The following TRIP10 variants were observed in gnomAD, a reference collection of about 807,000 sequenced individuals.
TRIP10 encodes the protein cdc42-interacting protein 4.
A neutral mutation model predicts 80.9 loss-of-function variants in TRIP10; 54 were observed. The ratio of observed to expected loss-of-function variants is 0.67; its 90% confidence interval spans 0.54 to 0.84. The LOEUF (loss-of-function observed/expected upper bound fraction) is 0.84. Among genes scored for constraint, TRIP10 ranks in the 40% least tolerant of loss-of-function variants. The probability of loss-of-function intolerance (pLI) is 0.00; values close to 1 mark genes in which losing one functional copy is unlikely to be tolerated. For synonymous variants in TRIP10, 321 were observed against 307.2 expected (o/e 1.04, Z -0.47); for missense variants, 773 against 815.3 (o/e 0.95, Z 0.63).
intron 1 of TRIP10, 86 bp from the exon 2 acceptor site, chr19:6,740,924 C>T: frequency 2.4e-6 from 3 of 1,256,442 alleles, no homozygotes; most frequent in Admixed American, 1.8e-5. Flanking sequence ...CTTGGCCCTC[C>T]CTGGGAGTCT....
intron 11 of TRIP10, among the ~76,000 whole-genome samples, chr19:6,747,622 G>A (rs568064185): frequency 8.6e-5 from 13 of 151,982 alleles, no homozygotes; most frequent in Admixed American, 2.0e-4. Flanking sequence ...GTGAAACCCC[G>A]TCTCTACTAA....
intron 11 of TRIP10, chr19:6,748,332 T>C (rs1969193855): frequency 6.6e-6 from 1 of 152,164 alleles, no homozygotes; most frequent in Non-Finnish European, 1.5e-5. Flanking sequence ...AAAGTTCCAT[T>C]CAGAACTCTC....
intron 1 of TRIP10, 121 bp downstream of exon 1, chr19:6,739,906 C>T (rs894757552): frequency 6.8e-6 from 8 of 1,168,732 alleles, no homozygotes; most frequent in African/African-American, 1.6e-5. Context: ...CCTGGGTCCC[C>T]GCCCTCCACC....
intron 11 of TRIP10, among the ~76,000 whole-genome samples, chr19:6,749,130 CA>C (rs370484182): frequency 6.6e-6 from 1 of 151,930 alleles, no homozygotes; most frequent in Non-Finnish European, 1.5e-5. Flanking sequence ...TTACTAGAGA[CA>C]AAGTCTCACA....
rs957342462 is a variant in TRIP10 at position 6,745,473 on chromosome 19, A to G, written c.984+479A>G. Among the ~76,000 whole-genome samples the G allele has an allele frequency of 9.9e-5, 15 of 151,966 alleles. No homozygotes were observed. Among genetic ancestry groups the G allele is most frequent in the African/African-American group, 3.6e-4 (15 of 41,338 alleles). On this transcript the variant is annotated intron_variant, in intron 9 of 14. Transcript: ENST00000313244. This position sits in a 1 kb window ranked among gnomAD's most constrained non-coding sequence, Gnocchi z 7.2. The stretch of plus-strand genomic sequence containing the variant: ...ACACTCTCATACCTCTCCTTGACTT[A>G]ACACCTGTGATCCCCGAGCTTAAAC...
rs145227710 is a variant in TRIP10 at position 6,743,475 on chromosome 19, G to C, written c.409-19G>C. 3 of 1,612,240 alleles carry C rather than the reference G, an allele frequency of 1.9e-6. No individual in the cohort carries two copies. Among genetic ancestry groups the C allele is most frequent in the Non-Finnish European group, 2.5e-6 (3 of 1,178,654 alleles). ...TTTGGGATGGTGGCTCCCTCACTCC[G>C]GTTCTGTCCCCTACACAGAGTAAGC... On this transcript the variant is annotated intron_variant, in intron 5 of 14. Transcript: ENST00000313244.
At position 6,739,734 on chromosome 19, in the gene TRIP10, T is replaced by TGGCTGC. The variant is rs990854649; in HGVS notation, c.-24_-19dup. ...GGGCGGCGGGGACCGGGTGCGGTGG[T>TGGCTGC]GGCTGCGGCGGCGGCGGCGGGAGCA... On this transcript the variant is annotated 5_prime_UTR_variant, in exon 1 of 15. Transcript: ENST00000313244. The TGGCTGC allele has an allele frequency of 2.9e-6, 4 of 1,356,014 alleles. No individual in the cohort carries two copies. The Admixed American group carries it at 9.0e-5, about 30-fold the overall frequency. The allele number at this position is 1,356,014 out of a possible 1,614,324, so 84.0% of individuals were successfully genotyped here. A position where few individuals can be genotyped will look rare whatever the true frequency, so the allele number is the denominator to read the frequency against.
Position 6,746,042 on chromosome 19 carries a change from C to A in TRIP10, c.998C>A (p.Pro333His). 1 of 1,260,070 alleles carries A rather than the reference C, an allele frequency of 7.9e-7. No individual in the cohort carries two copies. The highest frequency in any genetic ancestry group is 1.1e-6 in the Non-Finnish European group (1 of 947,524). The allele number at this position is 1,260,070 out of a possible 1,614,324, so 78.1% of individuals were successfully genotyped here. The part of the protein sequence containing the change: ...FGKKNKPRPP[P>H]LSPLGGPVPS... ...CCCCGCCGGTAGCCTCGCCCCCCAC[C>A]CCTCTCCCCCCTGGGGGGCCCCGTA... is the stretch of plus-strand genomic sequence containing the variant. The change falls in exon 10 of 15, where the codon CCC becomes CAC. Residue 333 changes from proline (P) to histidine (H), a missense_variant. Physicochemically the swap from Pro to His is moderately conservative, Grantham distance 77. Coordinates refer to ENST00000313244, the MANE Select transcript of TRIP10 (RefSeq NM_001288962.2). The surrounding 1 kb of genome is among the most constrained non-coding windows in gnomAD (Gnocchi z 6.2).
chr19:6,741,030 G>A lies in TRIP10; in HGVS notation c.45G>A (p.Glu15=), dbSNP rs202177941. ...GTCAGGATCAGTTCGAGGTGCTCGA[G>A]CGCCACACGCAGTGGGGGCTGGACC... ...TELWDQFEVL[E]RHTQWGLDLL... Residue 15 remains glutamate (E), a synonymous_variant, in exon 2 of 15, where the codon GAG becomes GAA. Transcript: ENST00000313244. 191 of 1,613,852 alleles carry A rather than the reference G, an allele frequency of 1.2e-4. No individual in the cohort carries two copies. Among genetic ancestry groups the A allele is most frequent in the Non-Finnish European group, 1.4e-4 (169 of 1,179,852 alleles).
rs770431977 is a variant in TRIP10 at position 6,745,032 on chromosome 19, A to G, written c.984+38A>G. Reference sequence around the variant, plus strand: ...ACCCTTGGGATGGTGGGGGAGAAGGACAGTGAAGTGGGGACAGTGGGGCCC... The same window carrying G: ...ACCCTTGGGATGGTGGGGGAGAAGGGCAGTGAAGTGGGGACAGTGGGGCCC... On this transcript the variant is annotated intron_variant, in intron 9 of 14. Coordinates refer to ENST00000313244, the MANE Select transcript of TRIP10 (RefSeq NM_001288962.2). The surrounding 1 kb of genome is among the most constrained non-coding windows in gnomAD (Gnocchi z 7.2). 1 of 1,599,692 alleles carries G rather than the reference A, an allele frequency of 6.3e-7. No individual in the cohort carries two copies. Among genetic ancestry groups the G allele is most frequent in the Non-Finnish European group, 8.5e-7 (1 of 1,173,368 alleles).
intron 12 of TRIP10, 72 bp downstream of exon 12, chr19:6,750,138 T>TC: frequency 4.2e-6 from 2 of 481,576 alleles, no homozygotes; most frequent in Non-Finnish European, 7.3e-6. Flanking sequence ...GGGTGGGGGG[T>TC]CGGGGACAGG....
rs749734118 is a variant in TRIP10, at chr19:6,750,374, C to A, written c.1478C>A (p.Pro493His). Residue 493 changes from proline to histidine, a missense_variant, in exon 13 of 15, where the codon CCC becomes CAC. Pro to His is a moderately conservative substitution (Grantham distance 77). Coordinates refer to ENST00000313244, the MANE Select transcript of TRIP10 (RefSeq NM_001288962.2). Reference protein sequence around the residue: ...LSRHARPPDPPASAPPDSSSN... With the variant: ...LSRHARPPDPHASAPPDSSSN... ...CGGCACGCCCGGCCTCCCGACCCCC[C>A]CGCTAGCGCCCCGCCAGACAGCAGC... 5 of 1,614,068 alleles carry A rather than the reference C, an allele frequency of 3.1e-6. No individual in the cohort carries two copies. The highest frequency in any genetic ancestry group is 1.7e-5 in the Admixed American group (1 of 60,012).
At position 6,751,190 on chromosome 19, in the gene TRIP10, C is replaced by G; in HGVS notation, c.1785C>G (p.Tyr595Ter). Residue 595 changes from tyrosine to a stop codon, truncating the protein, a stop_gained, in exon 15 of 15, where the codon TAC becomes TAG. Coordinates refer to ENST00000313244, the MANE Select transcript of TRIP10 (RefSeq NM_001288962.2). LOFTEE classifies it high-confidence loss of function. Reference sequence around the variant, plus strand: ...GCGAGGGCTACGTGCCCACCTCCTACCTCCGAGTCACGCTCAATTGAACCC... The same window carrying G: ...GCGAGGGCTACGTGCCCACCTCCTAGCTCCGAGTCACGCTCAATTGAACCC... The part of the protein sequence containing the change: ...EGGEGYVPTS[Y>*]LRVTLN 1 of 1,613,966 alleles carries G rather than the reference C, an allele frequency of 6.2e-7. No individual in the cohort carries two copies. Among genetic ancestry groups the G allele is most frequent in the Non-Finnish European group, 8.5e-7 (1 of 1,179,978 alleles).
Position 6,745,177 on chromosome 19 carries a change from A to G in TRIP10, c.984+183A>G. 1.2e-6 allele frequency: 1 copy of G among 822,068 alleles called. No homozygotes were observed. The highest frequency in any genetic ancestry group is 2.9e-5 in the East Asian group (1 of 34,656). The allele number at this position is 822,068 out of a possible 1,614,324, so 50.9% of individuals were successfully genotyped here. A position where few individuals can be genotyped will look rare whatever the true frequency, so the allele number is the denominator to read the frequency against. ...ATTGGCCTGGGAGTCCCCCGAGGCGAAGGCGGGGGCAGGGTGGGGAGGTGG... is the reference window on the plus strand; with the variant it reads ...ATTGGCCTGGGAGTCCCCCGAGGCGGAGGCGGGGGCAGGGTGGGGAGGTGG... On this transcript the variant is annotated intron_variant, in intron 9 of 14. Coordinates refer to ENST00000313244, the MANE Select transcript of TRIP10 (RefSeq NM_001288962.2). The surrounding 1 kb of genome is among the most constrained non-coding windows in gnomAD (Gnocchi z 7.2).
Position 6,745,098 on chromosome 19 carries a change from G to C in TRIP10, c.984+104G>C. The C allele has an allele frequency of 7.1e-7, 1 of 1,401,010 alleles. No homozygotes were observed. Among genetic ancestry groups the C allele is most frequent in the Non-Finnish European group, 9.4e-7 (1 of 1,062,796 alleles). 86.8% of individuals were successfully genotyped at this position (1,401,010 alleles called of 1,614,324 possible). On this transcript the variant is annotated intron_variant, in intron 9 of 14. Transcript: ENST00000313244. The surrounding 1 kb of genome is among the most constrained non-coding windows in gnomAD (Gnocchi z 7.2). ...CAGCCGCCTGAACGCCGAGTCTCGG[G>C]CAGGAATTTTCCTCTTGGCTGCCAG...
At chr19:6,751,012 T>C in intron 14 of TRIP10, 51 bp from the exon 15 acceptor site, 2 of 1,463,294 alleles carry the variant, frequency 1.4e-6, no homozygotes, top group South Asian at 1.5e-5. Flanking sequence ...AAAATAAAAA[T>C]AATAAATTTT....
At chr19:6,750,088 G>A in intron 12 of TRIP10, 22 bp downstream of exon 12, 3 of 1,610,352 alleles carry the variant, frequency 1.9e-6, no homozygotes, top group Non-Finnish European at 2.5e-6. Context: ...CCCTGGGGAG[G>A]GGCGGGAGCC....
rs1249840202 is a variant in TRIP10, at chr19:6,744,356, C to T, written c.643-198C>T. On this transcript the variant is annotated intron_variant, in intron 7 of 14. Transcript: ENST00000313244. This position sits in a 1 kb window ranked among gnomAD's most constrained non-coding sequence, Gnocchi z 4.9. The stretch of plus-strand genomic sequence containing the variant: ...TTGCTGACCCCCTAGGCACGCGTCC[C>T]CCTCTGAGATCCCCCTGGCCCTGTG... Among the ~76,000 whole-genome samples, 1 of 152,196 alleles carries T rather than the reference C, an allele frequency of 6.6e-6. No individual in the cohort carries two copies. The highest frequency in any genetic ancestry group is 2.4e-5 in the African/African-American group (1 of 41,446).
chr19:6,743,615 C>CGGGGGGGGGGTGGGGGGGGGGG lies in TRIP10; in HGVS notation c.513+29_513+30insGGGGGGGGGGGGGGGGGGGGTG, dbSNP rs1968998721. ...GTGGAGAAGGTGTGTGTGGCGGGGG[C>CGGGGGGGGGGTGGGGGGGGGGG]GGGGGGGGGGTGCGGGGTCTGGGAC... On this transcript the variant is annotated intron_variant, in intron 6 of 14. Transcript: ENST00000313244. 5 of 771,518 alleles carry CGGGGGGGGGGTGGGGGGGGGGG rather than the reference C, an allele frequency of 6.5e-6. No individual in the cohort carries two copies. Among genetic ancestry groups the CGGGGGGGGGGTGGGGGGGGGGG allele is most frequent in the East Asian group, 5.0e-5 (1 of 20,142 alleles). The allele number at this position is 771,518 out of a possible 1,614,324, so 47.8% of individuals were successfully genotyped here. A position where few individuals can be genotyped will look rare whatever the true frequency, so the allele number is the denominator to read the frequency against.
Sources: allele counts gnomAD v4.1 joint callset (sites outside exome capture counted in the v4.1 genomes callset), GRCh38; gene constraint gnomAD v4.1.1; non-coding constraint Gnocchi (gnomAD v3.1); transcripts MANE v1.5; gene names NCBI Gene and HGNC (gene_info 2026-07-23, HGNC 2026-07-21).